ADD1: variants seen among roughly 807,000 people sequenced by gnomAD.
ADD1 encodes alpha-adducin.
In ADD1, 24 loss-of-function variants were observed where a neutral mutation model predicts 80.5. The ratio of observed to expected loss-of-function variants is 0.30; its 90% CI spans 0.22 to 0.42. ADD1 has a LOEUF of 0.42. Ranked by LOEUF, ADD1 falls within the 10% of genes least tolerant of loss-of-function variation. The pLI is 1.00. For missense variants in ADD1, 948 were observed against 1,019.0 expected (o/e 0.93, Z 0.95); for synonymous variants, 373 against 393.8 (o/e 0.95, Z 0.63).
intron 4 of ADD1, among the ~76,000 whole-genome samples, chr4:2,885,106 G>T (rs557714566): frequency 6.6e-6 from 1 of 152,080 alleles, no homozygotes; most frequent in Admixed American, 6.5e-5. Flanking sequence ...TGGACCAAGC[G>T]CTGTTCTAAC....
rs1732445489 is a variant in ADD1 at position 2,882,069 on chromosome 4, T to A, written c.358+9T>A. ...GGCTGCCTTAAACATGAGTGAGTAGTTCCTGATTTTTAATATATGTTCTGT... is the reference window on the plus strand; with the variant it reads ...GGCTGCCTTAAACATGAGTGAGTAGATCCTGATTTTTAATATATGTTCTGT... On this transcript the variant is annotated intron_variant, in intron 3 of 15. Transcript: ENST00000683351. 1 of 1,580,672 alleles carries A rather than the reference T, an allele frequency of 6.3e-7. No individual in the cohort carries two copies. Among genetic ancestry groups the A allele is most frequent in the Non-Finnish European group, 8.6e-7 (1 of 1,169,418 alleles).
chr4:2,924,864 C>G (rs113252057), intron 14 of ADD1, among the ~76,000 whole-genome samples: 3 of 152,322 alleles, frequency 2.0e-5, no homozygotes, highest in African/African-American at 7.2e-5. Context: ...CTCCTAGTTT[C>G]TGTGCACATG....
chr4:2,866,266 A>G (rs1729533975), intron 1 of ADD1, among the ~76,000 whole-genome samples: 1 of 152,212 alleles, frequency 6.6e-6, no homozygotes, highest in African/African-American at 2.4e-5. Flanking sequence ...TTCCGGGTTC[A>G]AGCAATTCTC....
intron 7 of ADD1, 31 bp from the exon 8 acceptor site, chr4:2,898,401 CA>C: frequency 6.2e-7 from 1 of 1,613,772 alleles, no homozygotes; most frequent in South Asian, 1.1e-5. Flanking sequence ...TCTTCCTGCC[CA>C]GCTCCACAGA....
intron 14 of ADD1, among the ~76,000 whole-genome samples, chr4:2,919,172 G>C (rs942428276): frequency 6.6e-6 from 1 of 152,172 alleles, no homozygotes; most frequent in Non-Finnish European, 1.5e-5. Context: ...TTGCATCCCA[G>C]GGATGAAGCC....
rs146639114 is a variant in ADD1 at position 2,895,367 on chromosome 4, C to T, written c.741+636C>T. 5.3e-3 allele frequency among the ~76,000 whole-genome samples: 803 copies of T among 152,064 alleles called. 4 individuals are homozygous for T. Among genetic ancestry groups the T allele is most frequent in the African/African-American group, 9.4e-3 (390 of 41,458 alleles). The stretch of plus-strand genomic sequence containing the variant: ...GTGCAAAATGACATCAGTAAGCAGG[C>T]ATCTCGTTCGAGAAGAATGGGAAAA... On this transcript the variant is annotated intron_variant, in intron 6 of 15. Transcript: ENST00000683351.
intron 12 of ADD1, chr4:2,909,017 G>A (rs1737545750): frequency 6.5e-6 from 3 of 458,896 alleles, no homozygotes; most frequent in African/African-American, 2.0e-5. Context: ...CTGTAAGTGT[G>A]GTGCACATTT....
chr4:2,911,540 G>A (rs931771679), intron 13 of ADD1, among the ~76,000 whole-genome samples: 2 of 150,372 alleles, frequency 1.3e-5, no homozygotes, highest in African/African-American at 2.4e-5. Context: ...TCCGCCTCCC[G>A]GGCTCAAGCA....
Position 2,928,531 on chromosome 4 carries a change from G to A in ADD1, c.*8G>A. 1 of 1,611,572 alleles carries A rather than the reference G, an allele frequency of 6.2e-7. No individual in the cohort carries two copies. Among genetic ancestry groups the A allele is most frequent in the Non-Finnish European group, 8.5e-7 (1 of 1,179,138 alleles). ...AAGAAGAGTGACTCCTGAAAGCCCT[G>A]CGCTAACACTGTCCTGTCCGGAGCG... On this transcript the variant is annotated 3_prime_UTR_variant, in exon 16 of 16. Coordinates refer to ENST00000683351, the MANE Select transcript of ADD1 (RefSeq NM_001354761.2).
Position 2,905,119 on chromosome 4 carries a change from A to G in ADD1, c.1506+11A>G. 6.2e-7 allele frequency: 1 copy of G among 1,613,260 alleles called. No individual in the cohort carries two copies. Among genetic ancestry groups the G allele is most frequent in the Non-Finnish European group, 8.5e-7 (1 of 1,179,318 alleles). On this transcript the variant is annotated intron_variant, in intron 10 of 15. Coordinates refer to ENST00000683351, the MANE Select transcript of ADD1 (RefSeq NM_001354761.2). ...ATTACCAACTGCTTGGTCTGTGCCT[A>G]CCTTACTGTTCATAGTTAGATGACG...
chr4:2,886,293 A>G (rs1236145813), intron 4 of ADD1, among the ~76,000 whole-genome samples: 1 of 152,182 alleles, frequency 6.6e-6, no homozygotes, highest in African/African-American at 2.4e-5. Context: ...ACTCAGAGGA[A>G]TGCTAAGCCT....
chr4:2,897,523 C>A (rs1735444563), intron 6 of ADD1, among the ~76,000 whole-genome samples: 1 of 145,342 alleles, frequency 6.9e-6, no homozygotes, highest in African/African-American at 2.5e-5. Flanking sequence ...AACTTTAGAG[C>A]ACTTGGAAAA....
intron 2 of ADD1, among the ~76,000 whole-genome samples, chr4:2,878,414 T>C (rs962855340): frequency 1.6e-4 from 24 of 151,158 alleles, no homozygotes; most frequent in Admixed American, 1.6e-3. Context: ...GTGGAAGAAG[T>C]GAAAGGGAAA....
chr4:2,908,479 G>C (rs1425322150), intron 11 of ADD1, 36 bp from the exon 12 acceptor site: 1 of 1,585,124 alleles, frequency 6.3e-7, no homozygotes, highest in Non-Finnish European at 8.7e-7. Context: ...TGGCTGCTCA[G>C]GACTGTTGAT....
chr4:2,887,179 A>G (rs998722103), intron 4 of ADD1, among the ~76,000 whole-genome samples: 1 of 152,208 alleles, frequency 6.6e-6, no homozygotes, highest in Non-Finnish European at 1.5e-5. Flanking sequence ...GAACTAGAGA[A>G]TCTTTAAGGA....
intron 1 of ADD1, among the ~76,000 whole-genome samples, chr4:2,850,285 T>A (rs1405957270): frequency 6.6e-6 from 1 of 152,262 alleles, no homozygotes; most frequent in Admixed American, 6.5e-5. Context: ...TTGTTTTTTG[T>A]GAGACTGAAT....
intron 1 of ADD1, among the ~76,000 whole-genome samples, chr4:2,857,827 G>A (rs1194590586): frequency 1.3e-5 from 2 of 152,188 alleles, no homozygotes; most frequent in African/African-American, 4.8e-5. Context: ...CAGTATACGA[G>A]ACTTTGGTAA....
At position 2,846,977 on chromosome 4, in the gene ADD1, C is replaced by T. The variant is rs955836436; in HGVS notation, c.-21+2953C>T. On this transcript the variant is annotated intron_variant, in intron 1 of 15. Coordinates refer to ENST00000683351, the MANE Select transcript of ADD1 (RefSeq NM_001354761.2). ...CTAAAAACGCAAAAAATTAGCTGGG[C>T]GTGGTGGCGGATGCCTGTAGTCCCA... is the stretch of plus-strand genomic sequence containing the variant. Among the ~76,000 whole-genome samples, 3 of 151,950 alleles carry T rather than the reference C, an allele frequency of 2.0e-5. No individual in the cohort carries two copies. The East Asian group carries it at 5.8e-4, about 29-fold the overall frequency.
intron 1 of ADD1, chr4:2,868,139 C>CT (rs1364518246): frequency 6.6e-6 from 1 of 152,186 alleles, no homozygotes; most frequent in African/African-American, 2.4e-5. Flanking sequence ...GGTGGGTGTT[C>CT]TCTTTTAGGG....
Sources: gnomAD v4.1 joint callset for allele counts (sites outside exome capture counted in the v4.1 genomes callset) on GRCh38, gnomAD v4.1.1 for gene constraint, MANE v1.5 for transcripts, NCBI Gene and HGNC (gene_info 2026-07-23, HGNC 2026-07-21) for gene names.